AMBRA1: variants seen among roughly 807,000 people sequenced by gnomAD.
The protein encoded by AMBRA1 is activating molecule in BECN1-regulated autophagy protein 1.
Under a neutral mutation model 125.4 loss-of-function variants are expected in AMBRA1, and 47 were observed. The ratio of observed to expected loss-of-function variants is 0.37; its 90% CI spans 0.30 to 0.48. AMBRA1 has a LOEUF of 0.48. AMBRA1 is among the 20% of genes least tolerant of loss of function. The probability of loss-of-function intolerance (pLI) is 0.99; values close to 1 mark genes in which losing one functional copy is unlikely to be tolerated. For synonymous variants in AMBRA1, 626 were observed against 655.5 expected, an observed-to-expected ratio of 0.95 and a Z score of 0.69; for missense variants, 1,331 against 1,693.4, an observed-to-expected ratio of 0.79 and a Z score of 3.76.
At chr11:46,429,751 C>T (rs540993747) in intron 14 of AMBRA1, among the ~76,000 whole-genome samples, 1 of 152,196 alleles carries the variant, frequency 6.6e-6, no homozygotes, top group South Asian at 2.1e-4. Context: ...TTCTCTGTTA[C>T]AATACTGTGC....
chr11:46,527,476 T>TAA, intron 7 of AMBRA1, among the ~76,000 whole-genome samples: 1 of 10,020 alleles, frequency 1.0e-4, no homozygotes, highest in African/African-American at 2.9e-4. Flanking sequence ...TGAGACTGTC[T>TAA]CAAAAAAAAA....
chr11:46,528,254 C>T (rs1225671860), intron 7 of AMBRA1, among the ~76,000 whole-genome samples: 2 of 152,212 alleles, frequency 1.3e-5, no homozygotes, highest in Non-Finnish European at 2.9e-5. Flanking sequence ...CTCGCTGCAA[C>T]CTCCACCTCC....
Position 46,548,234 on chromosome 11 carries a change from C to A in AMBRA1, c.135+12G>T, listed in dbSNP as rs779209113. The stretch of plus-strand genomic sequence containing the variant: ...GCACAAATCCTATGTGAAATATAGC[C>A]ATTTTCCTTACCTTGCCCTCCCATT... On this transcript the variant is annotated intron_variant, in intron 2 of 17. Transcript: ENST00000683756. The A allele has an allele frequency of 1.2e-6, 2 of 1,614,066 alleles. No individual in the cohort carries two copies. The highest frequency in any genetic ancestry group is 1.7e-6 in the Non-Finnish European group (2 of 1,180,006).
In AMBRA1 at chr11:46,538,533, G is replaced by A. The variant is rs142541941; in HGVS notation, c.2072+3412C>T. Among the ~76,000 whole-genome samples the A allele has an allele frequency of 4.3e-4, 65 of 151,938 alleles. No homozygotes were observed. The East Asian group carries it at 0.01, about 24-fold the overall frequency. On this transcript the variant is annotated intron_variant, in intron 7 of 17. Transcript: ENST00000683756. ...TTTTTAGACGGAGTCTTGCTCTGTC[G>A]CCCAGGCTTGAGTGCAGTGGTGCAA...
rs139970064 is a variant in AMBRA1, at chr11:46,485,247, C to T, written c.2521+8361G>A. On this transcript the variant is annotated intron_variant, in intron 11 of 17. Transcript: ENST00000683756. ...GCCCCTATGCCCGGCCTCAAGAAGC[C>T]CAAACTCTTAAACATTTCACTATAC... is the stretch of plus-strand genomic sequence containing the variant. Among the ~76,000 whole-genome samples, 405 of 152,244 alleles carry T rather than the reference C, an allele frequency of 2.7e-3. 2 individuals carry two copies. The highest frequency in any genetic ancestry group is 9.2e-3 in the African/African-American group (383 of 41,544).
chr11:46,537,254 C>T (rs1049445374), intron 7 of AMBRA1, among the ~76,000 whole-genome samples: 4 of 152,174 alleles, frequency 2.6e-5, no homozygotes, highest in African/African-American at 9.7e-5. Context: ...CCTACATGAG[C>T]AACAGAGGTT....
intron 7 of AMBRA1, among the ~76,000 whole-genome samples, chr11:46,523,898 C>T (rs554108503): frequency 9.2e-5 from 14 of 152,224 alleles, no homozygotes; most frequent in Middle Eastern, 3.4e-3. Context: ...GATAGAGTTT[C>T]GCTCTTGTTG....
intron 11 of AMBRA1, among the ~76,000 whole-genome samples, chr11:46,466,785 C>T (rs1949345170): frequency 6.6e-6 from 1 of 152,154 alleles, no homozygotes; most frequent in Admixed American, 6.5e-5. Flanking sequence ...AGTTAAATGG[C>T]AGCCTCCAGC....
At chr11:46,487,222 C>T (rs1246971631) in intron 11 of AMBRA1, among the ~76,000 whole-genome samples, 1 of 151,066 alleles carries the variant, frequency 6.6e-6, no homozygotes, top group Admixed American at 6.6e-5. Context: ...TGGGTCACTG[C>T]ACTCCAGCCT....
intron 1 of AMBRA1, among the ~76,000 whole-genome samples, chr11:46,551,174 C>T (rs2042984961): frequency 6.6e-6 from 1 of 150,948 alleles, no homozygotes; most frequent in South Asian, 2.1e-4. Context: ...AACAATATAT[C>T]GAGTAAAGCT....
At chr11:46,443,716 C>T in intron 11 of AMBRA1, 118 bp from the exon 12 acceptor site, 2 of 811,668 alleles carry the variant, frequency 2.5e-6, no homozygotes, top group East Asian at 2.7e-5. Context: ...TAGACTATGG[C>T]TGAAGAAAGC....
At chr11:46,447,110 G>C (rs1384221404) in intron 11 of AMBRA1, among the ~76,000 whole-genome samples, 2 of 152,074 alleles carry the variant, frequency 1.3e-5, no homozygotes, top group Admixed American at 6.6e-5. Flanking sequence ...AACTTACTAA[G>C]ACAATAAATA....
chr11:46,509,284 T>A lies in AMBRA1; in HGVS notation c.2160-914A>T, dbSNP rs555696556. Among the ~76,000 whole-genome samples the A allele has an allele frequency of 1.6e-4, 24 of 152,336 alleles. No homozygotes were observed. The South Asian group carries it at 4.8e-3, about 30-fold the overall frequency. On this transcript the variant is annotated intron_variant, in intron 8 of 17. Transcript: ENST00000683756. ...AATTCTCCACATTGCCTTCTCAAGT[T>A]TTCCTCCATCTCTCACAACAGTATT...
At chr11:46,561,403 G>A (rs1220890934) in intron 1 of AMBRA1, among the ~76,000 whole-genome samples, 1 of 149,338 alleles carries the variant, frequency 6.7e-6, no homozygotes, top group East Asian at 2.0e-4. Flanking sequence ...AAAGAATATT[G>A]TCAGAAAAAA....
intron 7 of AMBRA1, among the ~76,000 whole-genome samples, chr11:46,537,119 A>AG (rs1264609726): frequency 1.3e-5 from 2 of 152,214 alleles, no homozygotes; most frequent in Non-Finnish European, 2.9e-5. Context: ...AATAACTAAA[A>AG]CAGCATTTCT....
intron 11 of AMBRA1, among the ~76,000 whole-genome samples, chr11:46,460,348 G>GTCTC (rs1949046064): frequency 6.8e-6 from 1 of 148,042 alleles, no homozygotes; most frequent in Admixed American, 6.7e-5. Context: ...TTGAGACGGA[G>GTCTC]TCTCGCTCTG....
intron 11 of AMBRA1, among the ~76,000 whole-genome samples, chr11:46,488,623 A>G (rs1309787390): frequency 2.6e-5 from 4 of 152,220 alleles, no homozygotes; most frequent in Non-Finnish European, 2.9e-5. Flanking sequence ...CGACATCTAC[A>G]GGACACTCCA....
chr11:46,570,376 C>A (rs181828135), intron 1 of AMBRA1, among the ~76,000 whole-genome samples: 1 of 150,720 alleles, frequency 6.6e-6, no homozygotes, highest in African/African-American at 2.4e-5. Context: ...GGGAGAAGTA[C>A]GAAATTATAT....
intron 1 of AMBRA1, among the ~76,000 whole-genome samples, chr11:46,553,475 A>G (rs957002600): frequency 2.0e-5 from 3 of 151,986 alleles, no homozygotes; most frequent in Non-Finnish European, 4.4e-5. Context: ...GGCCAGGTGC[A>G]GTGGCTCACA....
Sources: allele counts gnomAD v4.1 joint callset (sites outside exome capture counted in the v4.1 genomes callset), GRCh38; gene constraint gnomAD v4.1.1; transcripts MANE v1.5; gene names NCBI Gene and HGNC (gene_info 2026-07-23, HGNC 2026-07-21).